MYO15A: variants seen among roughly 807,000 people sequenced by gnomAD.
MYO15A encodes myosin XVA.
MYO15A carries 308 observed loss-of-function variants against 394.6 expected under a neutral mutation model. That is an observed-to-expected ratio of 0.78 (90% CI 0.71 to 0.86). The LOEUF (loss-of-function observed/expected upper bound fraction) is 0.86. MYO15A is among the 40% of genes least tolerant of loss of function. The pLI, the probability that MYO15A is intolerant of heterozygous loss-of-function variation, is 0.00. For missense variants in MYO15A, 4,606 were observed against 4,799.1 expected, an observed-to-expected ratio of 0.96 and a Z score of 1.19; for synonymous variants, 1,957 against 2,003.8, an observed-to-expected ratio of 0.98 and a Z score of 0.62.
intron 10 of MYO15A, 89 bp downstream of exon 10, chr17:18,131,620 T>G (rs1228580495): frequency 3.4e-6 from 5 of 1,471,398 alleles, no homozygotes; most frequent in Non-Finnish European, 3.8e-6. Context: ...TAGGGCTAGG[T>G]AGACGTCAAA....
chr17:18,175,135 T>C (rs1385673059), intron 65 of MYO15A, among the ~76,000 whole-genome samples: 2 of 149,870 alleles, frequency 1.3e-5, no homozygotes, highest in Non-Finnish European at 3.0e-5. Flanking sequence ...CCCAGACTAG[T>C]CTTAAACTCC....
At chr17:18,126,250 C>A in intron 4 of MYO15A, 97 bp from the exon 5 acceptor site, 1 of 1,026,006 alleles carries the variant, frequency 9.7e-7, no homozygotes, top group South Asian at 1.3e-5. Context: ...GATATCTGTC[C>A]GGATGGAAAC....
In MYO15A at chr17:18,127,059, C is replaced by T; in HGVS notation, c.3942-16C>T. On this transcript the variant is annotated splice_polypyrimidine_tract_variant and intron_variant, in intron 6 of 65. Coordinates refer to ENST00000647165, the MANE Select transcript of MYO15A (RefSeq NM_016239.4). ...AGCGAAAGGTTGGAGCTCACTCTGC[C>T]CCTTTGCTCGGTCAGTGGAGAGAGC... 2 of 1,613,908 alleles carry T rather than the reference C, an allele frequency of 1.2e-6. No homozygotes were observed. Among genetic ancestry groups the T allele is most frequent in the Non-Finnish European group, 8.5e-7 (1 of 1,179,918 alleles).
At chr17:18,152,040 C>T in intron 41 of MYO15A, 72 bp from the exon 42 acceptor site, 1 of 1,541,030 alleles carries the variant, frequency 6.5e-7, no homozygotes, top group South Asian at 1.2e-5. Flanking sequence ...CCCCTATAAG[C>T]TGTGGCCCTG....
chr17:18,125,279 C>A, intron 4 of MYO15A, 48 bp downstream of exon 4: 1 of 1,580,832 alleles, frequency 6.3e-7, no homozygotes, highest in Non-Finnish European at 8.7e-7. Flanking sequence ...AGGAAGGCAG[C>A]TGCCTCCTGG....
At position 18,166,439 on chromosome 17, in the gene MYO15A, A is replaced by C. The variant is rs1451508595; in HGVS notation, c.9866A>C (p.Tyr3289Ser). 2 of 1,613,978 alleles carry C rather than the reference A, an allele frequency of 1.2e-6. No individual in the cohort carries two copies. Among genetic ancestry groups the C allele is most frequent in the East Asian group, 4.5e-5 (2 of 44,894 alleles). ...ASEMEQVDGGYMLWFRRVLWD... is the reference protein window; with the variant it reads ...ASEMEQVDGGSMLWFRRVLWD... ...GAGATGGAGCAGGTGGACGGCGGCTACATGCTCTGGTTCCGGCGTGTGCTC... is the reference window on the plus strand; with the variant it reads ...GAGATGGAGCAGGTGGACGGCGGCTCCATGCTCTGGTTCCGGCGTGTGCTC... The change falls in exon 61 of 66, where the codon TAC becomes TCC. Residue 3289 changes from tyrosine (Y) to serine (S), a missense_variant. Physicochemically the swap from Tyr to Ser is moderately radical, Grantham distance 144. Coordinates refer to ENST00000647165, the MANE Select transcript of MYO15A (RefSeq NM_016239.4).
At position 18,178,956 on chromosome 17, in the gene MYO15A, C is replaced by A; in HGVS notation, c.*86C>A. ...TCACTGAACCTCTCAGGATCAATGA[C>A]CCCTGTAAGGGGCCAGAGCCTTGGA... is the stretch of plus-strand genomic sequence containing the variant. On this transcript the variant is annotated 3_prime_UTR_variant, in exon 66 of 66. Transcript: ENST00000647165. 7.3e-7 allele frequency: 1 copy of A among 1,362,614 alleles called. No individual in the cohort carries two copies. Among genetic ancestry groups the A allele is most frequent in the South Asian group, 1.2e-5 (1 of 83,056 alleles). The allele number at this position is 1,362,614 out of a possible 1,614,324, so 84.4% of individuals were successfully genotyped here. A position where few individuals can be genotyped will look rare whatever the true frequency, so the allele number is the denominator to read the frequency against.
intron 19 of MYO15A, 93 bp from the exon 20 acceptor site, chr17:18,140,424 C>G: frequency 6.4e-7 from 1 of 1,558,056 alleles, no homozygotes; most frequent in Non-Finnish European, 8.8e-7. Context: ...TCAGATCCCC[C>G]TGGTCCGGAG....
At chr17:18,168,493 G>A (rs571573815) in intron 62 of MYO15A, among the ~76,000 whole-genome samples, 2 of 152,040 alleles carry the variant, frequency 1.3e-5, no homozygotes, top group East Asian at 3.9e-4. Flanking sequence ...GAACCCGGGA[G>A]GCGGAGCTTG....
At chr17:18,130,355 G>A (rs892232151) in intron 7 of MYO15A, among the ~76,000 whole-genome samples, 1 of 151,990 alleles carries the variant, frequency 6.6e-6, no homozygotes, top group Non-Finnish European at 1.5e-5. Context: ...GTTTGCCAAT[G>A]GGGCTGAGGG....
chr17:18,146,194 G>T, intron 30 of MYO15A, 87 bp downstream of exon 30: 1 of 1,358,504 alleles, frequency 7.4e-7, no homozygotes. Flanking sequence ...GTCAGGCCAG[G>T]AGTCAGATCT....
At chr17:18,157,273 A>G in intron 50 of MYO15A, 43 bp downstream of exon 50, 1 of 1,564,022 alleles carries the variant, frequency 6.4e-7, no homozygotes, top group Non-Finnish European at 8.7e-7. Context: ...GGCGCATCCT[A>G]GTTTCACCCA....
rs944936367 is a variant in MYO15A, at chr17:18,121,205, G to A, written c.2405G>A (p.Arg802His). The A allele has an allele frequency of 9.3e-6, 14 of 1,501,598 alleles. No individual in the cohort carries two copies. Among genetic ancestry groups the A allele is most frequent in the African/African-American group, 8.7e-5 (6 of 68,744 alleles). 93.0% of individuals were successfully genotyped at this position (1,501,598 alleles called of 1,614,324 possible). ...LAPPSPQLSLRTGPFQPPFLP... is the reference protein window; with the variant it reads ...LAPPSPQLSLHTGPFQPPFLP... ...CCCCCGTCGCCTCAGCTGTCCTTGC[G>A]CACGGGCCCCTTCCAGCCGCCCTTC... The change falls in exon 2 of 66, where the codon CGC (arginine) becomes CAC (histidine). Residue 802 changes from arginine (R) to histidine (H), a missense_variant. Around this residue, in one of 2 missense-constraint regions of MYO15A, gnomAD observed 1,830 missense variants for 1,689.7 expected, o/e 1.08. Coordinates refer to ENST00000647165, the MANE Select transcript of MYO15A (RefSeq NM_016239.4). The surrounding 1 kb of genome is among the most constrained non-coding windows in gnomAD (Gnocchi z 5.3).
chr17:18,172,488 A>C, intron 64 of MYO15A, 198 bp downstream of exon 64: 1 of 809,028 alleles, frequency 1.2e-6, no homozygotes, highest in Non-Finnish European at 2.1e-6. Context: ...AGCCCCACCC[A>C]TAGGGCTGTT....
At chr17:18,109,041 C>T (rs1036075463) in intron 1 of MYO15A, 8 of 152,372 alleles carry the variant, frequency 5.3e-5, no homozygotes, top group African/African-American at 1.9e-4. Context: ...CAGGCAGGGC[C>T]TCTGTGGCTT....
chr17:18,133,342 G>A lies in MYO15A; in HGVS notation c.4438G>A (p.Ala1480Thr), dbSNP rs750946122. 6.2e-7 allele frequency: 1 copy of A among 1,614,190 alleles called. No homozygotes were observed. Among genetic ancestry groups the A allele is most frequent in the Non-Finnish European group, 8.5e-7 (1 of 1,180,042 alleles). Residue 1480 changes from alanine to threonine, a missense_variant, in exon 12 of 66, where the codon GCC (alanine) becomes ACC (threonine). Coordinates refer to ENST00000647165, the MANE Select transcript of MYO15A (RefSeq NM_016239.4). ...EDQDSIFRIL[A>T]SILHLGNVYF... The stretch of plus-strand genomic sequence containing the variant: ...CCAGGACAGCATCTTCCGCATCCTG[G>A]CCTCCATCCTGCACCTGGGCAACGT...
Position 18,148,431 on chromosome 17 carries a change from C to A in MYO15A, c.6692-65C>A. 2 of 1,534,222 alleles carry A rather than the reference C, an allele frequency of 1.3e-6. No homozygotes were observed. The highest frequency in any genetic ancestry group is 2.0e-5 in the Admixed American group (1 of 50,988). ...AGGAAGCCTGAAAGGAAGAAGCAAGCAGGGAGGCACAGCCAAACTGGACTC... is the reference window on the plus strand; with the variant it reads ...AGGAAGCCTGAAAGGAAGAAGCAAGAAGGGAGGCACAGCCAAACTGGACTC... On this transcript the variant is annotated intron_variant, in intron 31 of 65. Coordinates refer to ENST00000647165, the MANE Select transcript of MYO15A (RefSeq NM_016239.4). This position sits in a 1 kb window ranked among gnomAD's most constrained non-coding sequence, Gnocchi z 4.8.
In MYO15A at chr17:18,151,104, C is replaced by T. The variant is rs2046572935; in HGVS notation, c.7474-6C>T. ...GCAGCCCACCCTCACGTCCTGTTCTCCACAGAAACCCCCAGCACCAGAGGC... is the reference window on the plus strand; with the variant it reads ...GCAGCCCACCCTCACGTCCTGTTCTTCACAGAAACCCCCAGCACCAGAGGC... On this transcript the variant is annotated splice_polypyrimidine_tract_variant and splice_region_variant and intron_variant, in intron 38 of 65. Coordinates refer to ENST00000647165, the MANE Select transcript of MYO15A (RefSeq NM_016239.4). 9.3e-6 allele frequency: 15 copies of T among 1,613,860 alleles called. No homozygotes were observed. The highest frequency in any genetic ancestry group is 1.3e-5 in the Non-Finnish European group (15 of 1,180,006).
rs2046686674 is a variant in MYO15A at position 18,157,041 on chromosome 17, C to T, written c.8689C>T (p.Gln2897Ter). ...AFHKGDIIHL[Q>*]PLEPPRVGYS... ...CCACAAGGGTGACATCATACACCTG[C>T]AGCCCCTAGAGCCACCTCGAGTGGG... Residue 2897 changes from glutamine (Q) to a stop codon, truncating the protein, a stop_gained, in exon 49 of 66, where the codon CAG becomes TAG. Coordinates refer to ENST00000647165, the MANE Select transcript of MYO15A (RefSeq NM_016239.4). LOFTEE classifies it high-confidence loss of function. 1.2e-6 allele frequency: 2 copies of T among 1,614,150 alleles called. No individual in the cohort carries two copies. The highest frequency in any genetic ancestry group is 8.5e-7 in the Non-Finnish European group (1 of 1,180,032).
Sources: gnomAD v4.1 joint callset for allele counts (sites outside exome capture counted in the v4.1 genomes callset) on GRCh38, gnomAD v4.1.1 for gene constraint, gnomAD v4.1.1 regional missense constraint, Gnocchi (gnomAD v3.1) non-coding constraint, MANE v1.5 for transcripts, NCBI Gene and HGNC (gene_info 2026-07-23, HGNC 2026-07-21) for gene names.